RAB26: variants seen among roughly 807,000 people sequenced by gnomAD.
The protein encoded by RAB26 is RAB26, member RAS oncogene family, also known as ras-related protein Rab-26.
In RAB26, 39 loss-of-function variants were observed where a neutral mutation model predicts 33.1. The ratio of observed to expected loss-of-function variants is 1.18; its 90% CI spans 0.91 to 1.54. The LOEUF (loss-of-function observed/expected upper bound fraction) is 1.54. Ranked by LOEUF, RAB26 falls within the 40% of genes most tolerant of loss-of-function variation. The pLI is 0.00. For synonymous variants in RAB26, 192 were observed against 151.9 expected (o/e 1.26, Z -1.94); for missense variants, 468 against 362.9 (o/e 1.29, Z -2.35).
Position 2,153,370 on chromosome 16 carries a change from G to C in RAB26, c.720G>C (p.Leu240=), listed in dbSNP as rs756990983. The change falls in exon 9 of 9, where the codon CTG becomes CTC. Residue 240 remains leucine (L), a synonymous_variant. Coordinates refer to ENST00000210187, the MANE Select transcript of RAB26 (RefSeq NM_014353.5). ...MKAPSEPRFR[L]HDYVKREGRG... Reference sequence around the variant, plus strand: ...CTCCCAGCGAGCCGCGCTTCCGGCTGCATGATTACGTTAAGAGGGAGGGTC... The same window carrying C: ...CTCCCAGCGAGCCGCGCTTCCGGCTCCATGATTACGTTAAGAGGGAGGGTC... The C allele has an allele frequency of 6.2e-7, 1 of 1,613,546 alleles. No homozygotes were observed. The highest frequency in any genetic ancestry group is 8.5e-7 in the Non-Finnish European group (1 of 1,180,020).
Position 2,148,987 on chromosome 16 carries a change from G to A in RAB26, c.195+9G>A. On this transcript the variant is annotated intron_variant, in intron 1 of 8. Transcript: ENST00000210187. ...ACGACGTCGCCTTCAAGGTGAGCCA[G>A]GCACCCGCCCCCCAGGCCAGCGCAG... The A allele has an allele frequency of 2.4e-6, 3 of 1,274,846 alleles. No homozygotes were observed. The highest frequency in any genetic ancestry group is 3.0e-4 in the Middle Eastern group (1 of 3,290). The allele number at this position is 1,274,846 out of a possible 1,614,324, so 79.0% of individuals were successfully genotyped here. A position where few individuals can be genotyped will look rare whatever the true frequency, so the allele number is the denominator to read the frequency against.
chr16:2,149,062 A>G, intron 1 of RAB26, 84 bp downstream of exon 1: 1 of 1,216,074 alleles, frequency 8.2e-7, no homozygotes, highest in Non-Finnish European at 1.0e-6. Context: ...CAGGGGGTGC[A>G]GGGCCCGCGG....
At position 2,151,726 on chromosome 16, in the gene RAB26, G is replaced by A. The variant is rs149935646; in HGVS notation, c.380G>A (p.Arg127His). The A allele has an allele frequency of 2.3e-4, 366 of 1,613,948 alleles. No homozygotes were observed. Among genetic ancestry groups the A allele is most frequent in the Non-Finnish European group, 2.3e-4 (268 of 1,180,012 alleles). The change falls in exon 4 of 9, where the codon CGC (arginine) becomes CAC (histidine). Residue 127 changes from arginine to histidine, a missense_variant. By Grantham distance (29) the Arg-to-His change is conservative (BLOSUM62 0). Coordinates refer to ENST00000210187, the MANE Select transcript of RAB26 (RefSeq NM_014353.5). ...MWDTAGQERF[R>H]SVTHAYYRDA... ...GACACAGCTGGTCAGGAGCGGTTCC[G>A]CAGTGTTACCCATGCCTACTACCGG...
rs1393331571 is a variant in RAB26, at chr16:2,151,702, A to G, written c.356A>G (p.Asp119Gly). 6.2e-6 allele frequency: 10 copies of G among 1,613,960 alleles called. No individual in the cohort carries two copies. The highest frequency in any genetic ancestry group is 8.5e-6 in the Non-Finnish European group (10 of 1,180,012). ...DGVKVKLQMW[D>G]TAGQERFRSV... ...CAGTGCCTGTCGCTGCAGATGTGGG[A>G]CACAGCTGGTCAGGAGCGGTTCCGC... Residue 119 changes from aspartate (D) to glycine (G), a missense_variant, in exon 4 of 9, where the codon GAC becomes GGC. Physicochemically the swap from Asp to Gly is moderately conservative, Grantham distance 94. Transcript: ENST00000210187.
chr16:2,153,118 C>A (rs754798381), intron 7 of RAB26, 28 bp from the exon 8 acceptor site: 1 of 1,613,392 alleles, frequency 6.2e-7, no homozygotes, highest in Admixed American at 1.7e-5. Context: ...CGCCAGGCCA[C>A]CACCTGGCTG....
At chr16:2,150,124 C>G in intron 2 of RAB26, 73 bp downstream of exon 2, 1 of 1,357,802 alleles carries the variant, frequency 7.4e-7, no homozygotes, top group Non-Finnish European at 1.0e-6. Flanking sequence ...TCTCTGATCC[C>G]CATGGTACCA....
In RAB26 at chr16:2,148,715, C is replaced by T. The variant is rs1239885313; in HGVS notation, c.-69C>T. Reference sequence around the variant, plus strand: ...GGGTTCGGGTCCGGGTCGGGCTCGGCGGGCGCGGGGTGCGGGACGGCCCAG... The same window carrying T: ...GGGTTCGGGTCCGGGTCGGGCTCGGTGGGCGCGGGGTGCGGGACGGCCCAG... On this transcript the variant is annotated 5_prime_UTR_variant, in exon 1 of 9. Transcript: ENST00000210187. 22 of 1,197,960 alleles carry T rather than the reference C, an allele frequency of 1.8e-5. No homozygotes were observed. The highest frequency in any genetic ancestry group is 2.2e-5 in the Non-Finnish European group (21 of 962,888). The allele number at this position is 1,197,960 out of a possible 1,614,324, so 74.2% of individuals were successfully genotyped here. A position where few individuals can be genotyped will look rare whatever the true frequency, so the allele number is the denominator to read the frequency against.
At chr16:2,152,184 C>T (rs374629910) in intron 5 of RAB26, among the ~76,000 whole-genome samples, 4 of 152,182 alleles carry the variant, frequency 2.6e-5, no homozygotes, top group South Asian at 2.1e-4. Context: ...CCAGGCATGG[C>T]GGCTCACCTG....
rs1425138317 is a variant in RAB26, at chr16:2,151,882, A to G, written c.442A>G (p.Asn148Asp). Residue 148 changes from asparagine (N) to aspartate (D), a missense_variant, in exon 5 of 9, where the codon AAC (asparagine) becomes GAC (aspartate). Transcript: ENST00000210187. ...TCTGCTGCTGCTCTACGATGTCACC[A>G]ACAAGGCCTCCTTTGACAACATCCA... Reference protein sequence around the residue: ...HALLLLYDVTNKASFDNIQAW... With the variant: ...HALLLLYDVTDKASFDNIQAW... The G allele has an allele frequency of 6.2e-7, 1 of 1,614,120 alleles. No individual in the cohort carries two copies.
intron 2 of RAB26, among the ~76,000 whole-genome samples, chr16:2,150,567 T>G (rs1188406296): frequency 6.7e-6 from 1 of 149,984 alleles, no homozygotes; most frequent in Admixed American, 6.7e-5. Flanking sequence ...TAGAGCCAGT[T>G]AGAGGGAGGA....
Position 2,154,145 on chromosome 16 carries a change from C to T in RAB26, c.*724C>T, listed in dbSNP as rs1000372390. On this transcript the variant is annotated 3_prime_UTR_variant, in exon 9 of 9. Transcript: ENST00000210187. ...AATAAAGTTGTGTTTTCTGGAGCGT[C>T]TGTCTCATCTGTTGAAAAAAATCCA... The T allele has an allele frequency of 3.6e-5, 10 of 278,438 alleles. No homozygotes were observed. Among genetic ancestry groups the T allele is most frequent in the African/African-American group, 2.3e-4 (10 of 44,410 alleles). The allele number at this position is 278,438 out of a possible 1,614,324, so 17.2% of individuals were successfully genotyped here. A position where few individuals can be genotyped will look rare whatever the true frequency, so the allele number is the denominator to read the frequency against.
rs538341823 is a variant in RAB26, at chr16:2,152,829, A to G, written c.478A>G (p.Thr160Ala). 25 of 1,606,462 alleles carry G rather than the reference A, an allele frequency of 1.6e-5. No homozygotes were observed. In the South Asian group the frequency reaches 2.5e-4, roughly 16 times the overall value. Residue 160 changes from threonine (T) to alanine (A), a missense_variant, in exon 6 of 9, where the codon ACC becomes GCC. Thr to Ala is a moderately conservative substitution (Grantham distance 58). Transcript: ENST00000210187. ...ASFDNIQAWLTEIHEYAQHDV... is the reference protein window; with the variant it reads ...ASFDNIQAWLAEIHEYAQHDV... ...CTGCTGCCTCCCACAGGCCTGGCTG[A>G]CCGAGATCCACGAGTACGCCCAGCA...
chr16:2,152,950 C>T (rs761347027), intron 6 of RAB26, 39 bp from the exon 7 acceptor site: 4 of 1,582,758 alleles, frequency 2.5e-6, no homozygotes, highest in Non-Finnish European at 3.4e-6. Context: ...AGGGGCCAAC[C>T]ATGGGCCAGC....
Position 2,153,517 on chromosome 16 carries a change from C to T in RAB26, c.*96C>T, listed in dbSNP as rs1189263203. On this transcript the variant is annotated 3_prime_UTR_variant, in exon 9 of 9. Transcript: ENST00000210187. The stretch of plus-strand genomic sequence containing the variant: ...CCTTCTGACTTTGTTGCCCAGTGGC[C>T]AACGCCCGAGTGTCTGTTTTCAGGA... 2 of 1,155,088 alleles carry T rather than the reference C, an allele frequency of 1.7e-6. No individual in the cohort carries two copies. The highest frequency in any genetic ancestry group is 5.0e-5 in the East Asian group (2 of 39,760). The allele number at this position is 1,155,088 out of a possible 1,614,324, so 71.6% of individuals were successfully genotyped here.
chr16:2,151,788 TG>T, intron 4 of RAB26, 27 bp downstream of exon 4: 1 of 1,613,906 alleles, frequency 6.2e-7, no homozygotes, highest in Non-Finnish European at 8.5e-7. Context: ...CTGGGCTGGT[TG>T]GGGCGGGGGT....
intron 2 of RAB26, 50 bp downstream of exon 2, chr16:2,150,101 G>A (rs199997755): frequency 2.2e-5 from 33 of 1,471,392 alleles, no homozygotes; most frequent in African/African-American, 5.7e-5. Flanking sequence ...GCCGGTACCC[G>A]AGCAGCAAGT....
rs1400616832 is a variant in RAB26, at chr16:2,150,082, CAG to C, written c.306+34_306+35del. The stretch of plus-strand genomic sequence containing the variant: ...TGGAGGCCCTGGCCTGGCCCCACAT[CAG>C]AGTCCCGCCGGTACCCGAGCAGCAA... On this transcript the variant is annotated intron_variant, in intron 2 of 8. Coordinates refer to ENST00000210187, the MANE Select transcript of RAB26 (RefSeq NM_014353.5). The C allele has an allele frequency of 2.0e-6, 3 of 1,513,024 alleles. No homozygotes were observed. In the South Asian group the frequency reaches 3.8e-5, roughly 19 times the overall value. 93.7% of individuals were successfully genotyped at this position (1,513,024 alleles called of 1,614,324 possible).
chr16:2,153,223 GTAAGTCCTGCCAGTCACCAGGAC>G lies in RAB26; in HGVS notation c.668+3_668+25del. 1 of 1,613,796 alleles carries G rather than the reference GTAAGTCCTGCCAGTCACCAGGAC, an allele frequency of 6.2e-7. No individual in the cohort carries two copies. Among genetic ancestry groups the G allele is most frequent in the Non-Finnish European group, 8.5e-7 (1 of 1,180,010 alleles). On this transcript the variant is annotated splice_donor_variant and splice_donor_5th_base_variant and intron_variant, in intron 8 of 8. Transcript: ENST00000210187. LOFTEE classifies it high-confidence loss of function. ...ACTTGGCCTTCACAGCCATAGCAAAGTAAGTCCTGCCAGTCACCAGGACTCCCCCAGCCCAGGGCCTGAATCCT... is the reference window on the plus strand; with the variant it reads ...ACTTGGCCTTCACAGCCATAGCAAAGTCCCCCAGCCCAGGGCCTGAATCCT...
chr16:2,151,363 GCTCT>G lies in RAB26; in HGVS notation c.307-205_307-202del, dbSNP rs1420407144. The G allele has an allele frequency of 9.1e-6, 6 of 657,158 alleles. No homozygotes were observed. The East Asian group carries it at 1.4e-4, about 15-fold the overall frequency. The allele number at this position is 657,158 out of a possible 1,614,324, so 40.7% of individuals were successfully genotyped here. A position where few individuals can be genotyped will look rare whatever the true frequency, so the allele number is the denominator to read the frequency against. ...GAGTTCAAATAAGTCAGCGTAAGAGGCTCTAAGCAGGAATAGTGCAGAGGCTGCC... is the reference window on the plus strand; with the variant it reads ...GAGTTCAAATAAGTCAGCGTAAGAGGAAGCAGGAATAGTGCAGAGGCTGCC... On this transcript the variant is annotated intron_variant, in intron 2 of 8. Transcript: ENST00000210187.
Sources: gnomAD v4.1 joint callset for allele counts (sites outside exome capture counted in the v4.1 genomes callset) on GRCh38, gnomAD v4.1.1 for gene constraint, MANE v1.5 for transcripts, NCBI Gene and HGNC (gene_info 2026-07-23, HGNC 2026-07-21) for gene names.